COL21A1: variants seen among roughly 807,000 people sequenced by gnomAD.
The protein encoded by COL21A1 is collagen type XXI alpha 1 chain.
In COL21A1, 149 loss-of-function variants were observed where a neutral mutation model predicts 137.9. That is an observed-to-expected ratio of 1.08 (90% confidence interval 0.95 to 1.24). The LOEUF (loss-of-function observed/expected upper bound fraction) is 1.24, where lower values mean the gene tolerates loss of function less well. Ranked by LOEUF, COL21A1 falls within the 50% of genes most tolerant of loss-of-function variation. The pLI is 0.00. For synonymous variants in COL21A1, 456 were observed against 391.5 expected (o/e 1.16, Z -1.95); for missense variants, 1,167 against 1,158.4 (o/e 1.01, Z -0.11).
At chr6:56,095,034 A>T (rs1406732057) in intron 17 of COL21A1, among the ~76,000 whole-genome samples, 2 of 152,306 alleles carry the variant, frequency 1.3e-5, no homozygotes, top group Admixed American at 1.3e-4. Context: ...GGCATTTTTT[A>T]ACCTACTACC....
chr6:56,104,854 C>T (rs1349702814), intron 16 of COL21A1, among the ~76,000 whole-genome samples: 1 of 151,930 alleles, frequency 6.6e-6, no homozygotes, highest in African/African-American at 2.4e-5. Context: ...TTGGTATTTA[C>T]CCCAAAAAAA....
chr6:56,247,094 A>G (rs890829068), intron 1 of COL21A1, among the ~76,000 whole-genome samples: 4 of 152,304 alleles, frequency 2.6e-5, no homozygotes, highest in Admixed American at 2.6e-4. Context: ...CAGGGGAGTA[A>G]ATCAACGCAC....
chr6:56,366,415 T>C (rs926405114), intron 1 of COL21A1, among the ~76,000 whole-genome samples: 1 of 152,190 alleles, frequency 6.6e-6, no homozygotes, highest in Non-Finnish European at 1.5e-5. Flanking sequence ...TGGGATCATG[T>C]CAATTCTCAG....
At chr6:56,166,865 C>T (rs1263639804) in intron 7 of COL21A1, 41 bp downstream of exon 7, 1 of 1,432,154 alleles carries the variant, frequency 7.0e-7, no homozygotes, top group African/African-American at 1.4e-5. Context: ...TTTGAAAGTA[C>T]TAAAGCAACA....
At chr6:56,375,735 C>A (rs2093997871) in intron 1 of COL21A1, among the ~76,000 whole-genome samples, 1 of 152,158 alleles carries the variant, frequency 6.6e-6, no homozygotes, top group South Asian at 2.1e-4. Flanking sequence ...TCAAAATATT[C>A]CCTGAAAGAC....
At chr6:56,105,306 T>A (rs986879540) in intron 16 of COL21A1, among the ~76,000 whole-genome samples, 1 of 152,288 alleles carries the variant, frequency 6.6e-6, no homozygotes, top group Admixed American at 6.5e-5. Flanking sequence ...AATAAGAGCC[T>A]TTGTGAAAAT....
intron 17 of COL21A1, among the ~76,000 whole-genome samples, chr6:56,097,982 TAA>T (rs1562189034): frequency 1.5e-5 from 1 of 65,056 alleles, no homozygotes; most frequent in East Asian, 4.8e-4. Flanking sequence ...TAAATATATA[TAA>T]ATATATATGT....
chr6:56,106,849 C>T (rs781261804), intron 16 of COL21A1, among the ~76,000 whole-genome samples: 6 of 151,886 alleles, frequency 4.0e-5, no homozygotes, highest in Non-Finnish European at 8.8e-5. Context: ...TGCAGTGGCG[C>T]CATCTCGGCT....
intron 17 of COL21A1, among the ~76,000 whole-genome samples, chr6:56,082,009 G>A (rs1767816193): frequency 6.6e-6 from 1 of 151,860 alleles, no homozygotes; most frequent in African/African-American, 2.4e-5. Context: ...TGCAGTAACT[G>A]GCATTTCTTT....
At chr6:56,222,133 C>T (rs1483141949) in intron 1 of COL21A1, among the ~76,000 whole-genome samples, 1 of 151,978 alleles carries the variant, frequency 6.6e-6, no homozygotes, top group African/African-American at 2.4e-5. Flanking sequence ...ATTAGCCGGG[C>T]ATGGTGGTGC....
rs893241193 is a variant in COL21A1 at position 56,155,857 on chromosome 6, C to A, written c.1434+1030G>T. Among the ~76,000 whole-genome samples, 4 of 152,184 alleles carry A rather than the reference C, an allele frequency of 2.6e-5. No homozygotes were observed. In the East Asian group the frequency reaches 5.8e-4, roughly 22 times the overall value. ...GTCTCAAGTGATCCACCCACCTAAG[C>A]CTTGTGAATTGCTGGGATTATAGGC... On this transcript the variant is annotated intron_variant, in intron 10 of 29. Transcript: ENST00000244728.
chr6:56,180,073 C>T lies in COL21A1; in HGVS notation c.145G>A (p.Gly49Ser), dbSNP rs1582574250. 1.2e-6 allele frequency: 2 copies of T among 1,613,594 alleles called. No homozygotes were observed. The highest frequency in any genetic ancestry group is 4.5e-5 in the East Asian group (2 of 44,866). The change falls in exon 3 of 30, where the codon GGC (glycine) becomes AGC (serine). Residue 49 changes from glycine to serine, a missense_variant. Transcript: ENST00000244728. ...VFILDGSYSV[G>S]PENFEIVKKW... is the part of the protein sequence containing the mutation. ...TTCACTATTTCAAAGTTTTCTGGGC[C>T]AACACTATAAGAGCCATCTAAGATG... is the stretch of plus-strand genomic sequence containing the variant.
chr6:56,284,324 G>C (rs1191757688), intron 1 of COL21A1, among the ~76,000 whole-genome samples: 1 of 152,176 alleles, frequency 6.6e-6, no homozygotes, highest in African/African-American at 2.4e-5. Flanking sequence ...AAAGTGCTGG[G>C]TTTACAGGTG....
At chr6:56,221,156 C>A (rs2152312381) in intron 1 of COL21A1, among the ~76,000 whole-genome samples, 1 of 152,216 alleles carries the variant, frequency 6.6e-6, no homozygotes, top group South Asian at 2.1e-4. Flanking sequence ...CATCCTTCCA[C>A]CCACCAGATG....
rs1764776065 is a variant in COL21A1, at chr6:56,317,895, C to G, written c.-39+76076G>C. Among the ~76,000 whole-genome samples, 3 of 152,042 alleles carry G rather than the reference C, an allele frequency of 2.0e-5. No homozygotes were observed. In the South Asian group the frequency reaches 6.2e-4, roughly 32 times the overall value. On this transcript the variant is annotated intron_variant, in intron 1 of 28. Transcript: ENST00000370819. ...CTTTTCTTAAAAAAATAAGAATAGT[C>G]TATTTACAATTTTTAAGCGTGTTTT...
chr6:56,110,655 T>C (rs990659310), intron 16 of COL21A1, among the ~76,000 whole-genome samples: 1 of 151,874 alleles, frequency 6.6e-6, no homozygotes, highest in Non-Finnish European at 1.5e-5. Flanking sequence ...GGATATACAA[T>C]CAATATACCA....
rs1360653995 is a variant in COL21A1, at chr6:56,170,773, A to C, written c.902T>G (p.Leu301Ter). The stretch of plus-strand genomic sequence containing the variant: ...TATTTGTGGCCTTCCATCAATAGTT[A>C]ATATTCTCCATAAATCCCAAATTTT... ...VKKIWDLWRI[L>*]TIDGRPQIAV... The change falls in exon 5 of 30, where the codon TTA becomes TGA. Residue 301 changes from leucine (L) to a stop codon, truncating the protein, a stop_gained. Coordinates refer to ENST00000244728, the MANE Select transcript of COL21A1 (RefSeq NM_030820.4). LOFTEE classifies it high-confidence loss of function. The C allele has an allele frequency of 6.2e-7, 1 of 1,608,062 alleles. No individual in the cohort carries two copies. The highest frequency in any genetic ancestry group is 8.5e-7 in the Non-Finnish European group (1 of 1,176,030).
At chr6:56,260,088 AAAGT>A (rs549672292) in intron 1 of COL21A1, among the ~76,000 whole-genome samples, 11 of 152,216 alleles carry the variant, frequency 7.2e-5, no homozygotes, top group Non-Finnish European at 1.3e-4. Context: ...AAACTCAACA[AAAGT>A]AAGAGAGAGT....
At chr6:56,190,217 G>A (rs1452634021) in intron 1 of COL21A1, among the ~76,000 whole-genome samples, 1 of 152,070 alleles carries the variant, frequency 6.6e-6, no homozygotes, top group Non-Finnish European at 1.5e-5. Flanking sequence ...AAGAAGAAAA[G>A]AGAAGAATCA....
Sources: allele counts gnomAD v4.1 joint callset (sites outside exome capture counted in the v4.1 genomes callset), GRCh38; gene constraint gnomAD v4.1.1; transcripts MANE v1.5; gene names NCBI Gene and HGNC (gene_info 2026-07-23, HGNC 2026-07-21).